Variants in BTBD7 observed in about 807,000 individuals in gnomAD.
The protein encoded by BTBD7 is BTB/POZ domain-containing protein 7.
BTBD7 carries 38 observed loss-of-function variants against 99.9 expected under a neutral mutation model. That is an observed-to-expected ratio of 0.38 (90% CI 0.29 to 0.50). The LOEUF (loss-of-function observed/expected upper bound fraction) is 0.50. Among genes scored for constraint, BTBD7 ranks in the 20% least tolerant of loss-of-function variants. The pLI is 0.93. For missense variants in BTBD7, 1,170 were observed against 1,394.6 expected (o/e 0.84, Z 2.57); for synonymous variants, 520 against 511.4 (o/e 1.02, Z -0.23).
chr14:93,316,571 T>C (rs536133851), intron 1 of BTBD7, among the ~76,000 whole-genome samples: 6 of 152,314 alleles, frequency 3.9e-5, no homozygotes, highest in African/African-American at 1.2e-4. Context: ...TTAATTATTG[T>C]TCCCTTTTTC....
intron 3 of BTBD7, among the ~76,000 whole-genome samples, chr14:93,267,351 A>C (rs944686452): frequency 1.3e-5 from 2 of 152,322 alleles, no homozygotes; most frequent in Admixed American, 1.3e-4. Flanking sequence ...TCACTCTTTA[A>C]GAGTCTGAAA....
intron 1 of BTBD7, among the ~76,000 whole-genome samples, chr14:93,319,372 A>G (rs191235480): frequency 4.6e-5 from 7 of 152,368 alleles, no homozygotes; most frequent in Admixed American, 3.9e-4. Context: ...GAAACAACCT[A>G]AATATCCATT....
chr14:93,324,421 C>CAAAAAAAAAAATAA (rs1555393943), intron 1 of BTBD7, among the ~76,000 whole-genome samples: 9 of 89,916 alleles, frequency 1.0e-4, no homozygotes, highest in African/African-American at 1.3e-4. Flanking sequence ...GACCCTGTCT[C>CAAAAAAAAAAATAA]AAAAAAAAAA....
At chr14:93,317,186 G>C (rs944137431) in intron 1 of BTBD7, among the ~76,000 whole-genome samples, 1 of 152,010 alleles carries the variant, frequency 6.6e-6, no homozygotes, top group African/African-American at 2.4e-5. Context: ...TTTATTTTTA[G>C]TAGAGATGGG....
In BTBD7 at chr14:93,253,768, G is replaced by C; in HGVS notation, c.1631C>G (p.Thr544Ser). 6.3e-7 allele frequency: 1 copy of C among 1,597,936 alleles called. No individual in the cohort carries two copies. The highest frequency in any genetic ancestry group is 1.1e-5 in the South Asian group (1 of 88,214). ...TGTAGGAAGCATATCTGATGGAGGA[G>C]TACTAATCAAGCCTCTTTTCATCTA... Reference protein sequence around the residue: ...SDAMKRGLISTPPSDMLPTTE... With the variant: ...SDAMKRGLISSPPSDMLPTTE... The change falls in exon 7 of 11, where the codon ACT (threonine) becomes AGT (serine). Residue 544 changes from threonine to serine, a missense_variant. Around this residue, in one of 4 missense-constraint regions of BTBD7, gnomAD observed 309 missense variants for 342.0 expected, o/e 0.90. Coordinates refer to ENST00000334746, the MANE Select transcript of BTBD7 (RefSeq NM_001002860.4).
chr14:93,299,488 G>A (rs1253314550), intron 1 of BTBD7, among the ~76,000 whole-genome samples: 3 of 152,142 alleles, frequency 2.0e-5, no homozygotes, highest in Non-Finnish European at 4.4e-5. Flanking sequence ...GAGAGGAGAG[G>A]AGAAGGTCTA....
At chr14:93,288,970 C>A (rs2052813914) in intron 3 of BTBD7, among the ~76,000 whole-genome samples, 3 of 152,048 alleles carry the variant, frequency 2.0e-5, no homozygotes. Flanking sequence ...GTTGCTATTT[C>A]CAGATTTGGA....
intron 3 of BTBD7, among the ~76,000 whole-genome samples, chr14:93,291,182 T>C (rs2052850831): frequency 6.6e-6 from 1 of 152,018 alleles, no homozygotes; most frequent in Non-Finnish European, 1.5e-5. Flanking sequence ...AAAAACTATA[T>C]GGTAGTGAGA....
chr14:93,285,116 T>C (rs1470400311), intron 3 of BTBD7, among the ~76,000 whole-genome samples: 1 of 152,124 alleles, frequency 6.6e-6, no homozygotes, highest in Non-Finnish European at 1.5e-5. Flanking sequence ...AGGAGACAAT[T>C]ATAGACAGAA....
chr14:93,315,694 T>C (rs2053194281), intron 1 of BTBD7, among the ~76,000 whole-genome samples: 1 of 152,230 alleles, frequency 6.6e-6, no homozygotes, highest in African/African-American at 2.4e-5. Context: ...CACTTTAGCA[T>C]GATGTTTTCA....
intron 4 of BTBD7, among the ~76,000 whole-genome samples, chr14:93,262,226 AG>A (rs1482697425): frequency 6.7e-6 from 1 of 149,892 alleles, no homozygotes; most frequent in African/African-American, 2.5e-5. Context: ...TCCTCCTCCC[AG>A]GTTCACGCCA....
At chr14:93,255,910 C>T (rs984646263) in intron 6 of BTBD7, 1 of 152,178 alleles carries the variant, frequency 6.6e-6, no homozygotes, top group Non-Finnish European at 1.5e-5. Context: ...TTTGCTTTCT[C>T]TGGTGTGTGT....
chr14:93,321,807 C>A (rs2053273495), intron 1 of BTBD7, among the ~76,000 whole-genome samples: 1 of 151,602 alleles, frequency 6.6e-6, no homozygotes, highest in African/African-American at 2.4e-5. Context: ...AACTGTTTAT[C>A]TTAAACGATT....
intron 1 of BTBD7, among the ~76,000 whole-genome samples, chr14:93,316,919 T>C (rs548417361): frequency 1.3e-3 from 201 of 152,284 alleles, no homozygotes; most frequent in Non-Finnish European, 2.3e-3. Context: ...AAACGTGAGA[T>C]GAGGCAGGAC....
intron 8 of BTBD7, 63 bp from the exon 9 acceptor site, chr14:93,248,717 G>A: frequency 7.1e-7 from 1 of 1,411,618 alleles, no homozygotes; most frequent in Non-Finnish European, 9.4e-7. Context: ...GACCCCGTGA[G>A]CCCAAGGGAA....
chr14:93,253,875 TA>T (rs1422123026), intron 6 of BTBD7, 85 bp from the exon 7 acceptor site: 7 of 585,052 alleles, frequency 1.2e-5, no homozygotes, highest in African/African-American at 1.2e-4. Context: ...TAACTATAAA[TA>T]AAAATATGCA....
chr14:93,290,511 CTTTTTTTTT>C lies in BTBD7; in HGVS notation c.1162+3338_1162+3346del, dbSNP rs10548430. ...ACAGGCGTGACCCACTGCACTTGGC[CTTTTTTTTT>C]TTTTTTTTTTTTTTTAAGACAAAGT... On this transcript the variant is annotated intron_variant, in intron 3 of 10. Coordinates refer to ENST00000334746, the MANE Select transcript of BTBD7 (RefSeq NM_001002860.4). Among the ~76,000 whole-genome samples, 2 of 76,544 alleles carry C rather than the reference CTTTTTTTTT, an allele frequency of 2.6e-5. 1 individual carries two copies. The highest frequency in any genetic ancestry group is 1.0e-4 in the African/African-American group (2 of 20,002). 50.2% of individuals were successfully genotyped at this position (76,544 alleles called of 152,430 possible).
At chr14:93,320,199 T>C (rs2053254229) in intron 1 of BTBD7, among the ~76,000 whole-genome samples, 1 of 152,092 alleles carries the variant, frequency 6.6e-6, no homozygotes, top group Admixed American at 6.5e-5. Flanking sequence ...TTAAAACAAA[T>C]GAGTAAGTGG....
In BTBD7 at chr14:93,245,844, G is replaced by A; in HGVS notation, c.2564C>T (p.Ala855Val). 1 of 1,612,562 alleles carries A rather than the reference G, an allele frequency of 6.2e-7. No individual in the cohort carries two copies. The highest frequency in any genetic ancestry group is 8.5e-7 in the Non-Finnish European group (1 of 1,179,202). ...TTSTATAAAAAASEKQVRTQP... is the reference protein window; with the variant it reads ...TTSTATAAAAVASEKQVRTQP... ...ACTTACCACTTGCTTCTCAGATGCT[G>A]CTGCTGCTGCTGCTGTTGCTGTTGA... The change falls in exon 10 of 11, where the codon GCA becomes GTA. Residue 855 changes from alanine (A) to valine (V), a missense_variant. Physicochemically the swap from Ala to Val is moderately conservative, Grantham distance 64 (BLOSUM62 0). Transcript: ENST00000334746.
Sources: gnomAD v4.1 joint callset for allele counts (sites outside exome capture counted in the v4.1 genomes callset) on GRCh38, gnomAD v4.1.1 for gene constraint, gnomAD v4.1.1 regional missense constraint, MANE v1.5 for transcripts, NCBI Gene and HGNC (gene_info 2026-07-23, HGNC 2026-07-21) for gene names.